PTPRD: variants seen among roughly 807,000 people sequenced by gnomAD.
PTPRD encodes protein tyrosine phosphatase receptor type D, also known as receptor-type tyrosine-protein phosphatase delta.
A neutral mutation model predicts 214.5 loss-of-function variants in PTPRD; 34 were observed. The ratio of observed to expected loss-of-function variants is 0.16; its 90% CI spans 0.12 to 0.21. The LOEUF (loss-of-function observed/expected upper bound fraction) is 0.21. Ranked by LOEUF, PTPRD falls within the 10% of genes least tolerant of loss-of-function variation. PTPRD has a pLI of 1.00. For missense variants in PTPRD, 2,545 were observed against 2,398.7 expected, an observed-to-expected ratio of 1.06 and a Z score of -1.27; for synonymous variants, 1,128 against 845.7, an observed-to-expected ratio of 1.33 and a Z score of -5.79.
intron 10 of PTPRD, among the ~76,000 whole-genome samples, chr9:9,123,610 A>T (rs989323945): frequency 1.3e-5 from 2 of 152,182 alleles, no homozygotes; most frequent in Non-Finnish European, 2.9e-5. Context: ...CCATAGACTG[A>T]TAAAAACTGA....
At chr9:9,488,542 C>T (rs1015238067) in intron 8 of PTPRD, among the ~76,000 whole-genome samples, 9 of 152,132 alleles carry the variant, frequency 5.9e-5, no homozygotes, top group Non-Finnish European at 1.0e-4. Context: ...GAATTTCCAC[C>T]GTCCCATTAG....
At chr9:8,739,628 G>C (rs1254148509) in intron 11 of PTPRD, among the ~76,000 whole-genome samples, 2 of 152,122 alleles carry the variant, frequency 1.3e-5, no homozygotes, top group Admixed American at 6.5e-5. Flanking sequence ...AGTTCTCGTA[G>C]TCCTTGGCTT....
intron 8 of PTPRD, among the ~76,000 whole-genome samples, chr9:9,485,147 G>C (rs2095575024): frequency 6.6e-6 from 1 of 152,090 alleles, no homozygotes. Flanking sequence ...TCTCTCCACT[G>C]TAAAAATAAT....
chr9:9,194,766 C>G (rs1029814745), intron 9 of PTPRD, among the ~76,000 whole-genome samples: 1 of 152,046 alleles, frequency 6.6e-6, no homozygotes, highest in Non-Finnish European at 1.5e-5. Flanking sequence ...TAGCACATTG[C>G]ATATTATCTC....
At chr9:10,579,143 A>G (rs2070741408) in intron 2 of PTPRD, among the ~76,000 whole-genome samples, 1 of 151,904 alleles carries the variant, frequency 6.6e-6, no homozygotes, top group Non-Finnish European at 1.5e-5. Context: ...TGCAGCCATA[A>G]AAAAAGAATG....
chr9:9,144,023 T>C (rs1365426731), intron 10 of PTPRD, among the ~76,000 whole-genome samples: 1 of 152,236 alleles, frequency 6.6e-6, no homozygotes, highest in Non-Finnish European at 1.5e-5. Context: ...AGATCAATTC[T>C]TTTATTATTA....
intron 12 of PTPRD, among the ~76,000 whole-genome samples, chr9:8,690,123 A>G (rs1038920138): frequency 6.7e-6 from 1 of 149,328 alleles, no homozygotes; most frequent in Non-Finnish European, 1.5e-5. Flanking sequence ...AAAAAAAAAA[A>G]GAAAAATTAA....
intron 4 of PTPRD, among the ~76,000 whole-genome samples, chr9:9,947,411 ATT>A (rs2092790479): frequency 4.8e-5 from 2 of 42,078 alleles, no homozygotes; most frequent in Non-Finnish European, 7.0e-5. Context: ...TATAATATAT[ATT>A]TTATATATAT....
At chr9:8,675,099 T>G (rs1039559896) in intron 12 of PTPRD, among the ~76,000 whole-genome samples, 1 of 152,130 alleles carries the variant, frequency 6.6e-6, no homozygotes, top group African/African-American at 2.4e-5. Context: ...TAGCATTAAG[T>G]GGATGTCGCA....
At chr9:8,355,291 T>C (rs983940023) in intron 39 of PTPRD, among the ~76,000 whole-genome samples, 8 of 152,188 alleles carry the variant, frequency 5.3e-5, no homozygotes, top group African/African-American at 1.9e-4. Flanking sequence ...AATGCCAGTA[T>C]CACGCTTGCT....
chr9:10,062,203 G>A (rs1317381654), intron 3 of PTPRD, among the ~76,000 whole-genome samples: 1 of 152,066 alleles, frequency 6.6e-6, no homozygotes, highest in Admixed American at 6.6e-5. Flanking sequence ...ATTAAAAGAT[G>A]CTGAAATAAA....
intron 12 of PTPRD, among the ~76,000 whole-genome samples, chr9:8,688,586 A>T (rs994890780): frequency 1.2e-4 from 18 of 151,598 alleles, no homozygotes; most frequent in African/African-American, 4.4e-4. Flanking sequence ...AAAAGAAAAA[A>T]ATATATATAA....
At chr9:8,948,440 CAT>C (rs1464673263) in intron 11 of PTPRD, among the ~76,000 whole-genome samples, 237 of 6,184 alleles carry the variant, frequency 0.038, 55 homozygotes, top group African/African-American at 0.081. Context: ...TATATATTTA[CAT>C]ATATATATAT....
At chr9:8,963,720 A>T (rs1190545355) in intron 11 of PTPRD, among the ~76,000 whole-genome samples, 1 of 152,072 alleles carries the variant, frequency 6.6e-6, no homozygotes, top group African/African-American at 2.4e-5. Flanking sequence ...CCTGGGCTCA[A>T]GTCATCCTCC....
At chr9:8,507,265 GAAT>G (rs2097562047) in intron 22 of PTPRD, 33 bp downstream of exon 22, 3 of 1,598,664 alleles carry the variant, frequency 1.9e-6, no homozygotes, top group Non-Finnish European at 2.6e-6. Flanking sequence ...CCCACGTAAT[GAAT>G]AATTCCCAAG....
At chr9:8,619,876 G>A (rs2095756765) in intron 14 of PTPRD, among the ~76,000 whole-genome samples, 1 of 151,894 alleles carries the variant, frequency 6.6e-6, no homozygotes, top group Non-Finnish European at 1.5e-5. Flanking sequence ...AGCATTAAAG[G>A]GCAATATATG....
At chr9:8,337,958 T>C (rs942864790) in intron 43 of PTPRD, among the ~76,000 whole-genome samples, 1 of 152,176 alleles carries the variant, frequency 6.6e-6, no homozygotes, top group East Asian at 1.9e-4. Flanking sequence ...ACCTTCAGAA[T>C]AGTTAATATA....
chr9:9,150,897 G>C (rs2154488076), intron 10 of PTPRD, among the ~76,000 whole-genome samples: 1 of 152,320 alleles, frequency 6.6e-6, no homozygotes, highest in East Asian at 1.9e-4. Flanking sequence ...GCGGCCTGTT[G>C]ATGCCCCTCT....
intron 11 of PTPRD, among the ~76,000 whole-genome samples, chr9:8,976,999 G>C (rs902051067): frequency 1.3e-5 from 2 of 152,070 alleles, no homozygotes; most frequent in African/African-American, 4.8e-5. Context: ...CTGCAAAAAA[G>C]AGCCATCCAA....
Sources: allele counts gnomAD v4.1 joint callset (sites outside exome capture counted in the v4.1 genomes callset), GRCh38; gene constraint gnomAD v4.1.1; transcripts MANE v1.5; gene names NCBI Gene and HGNC (gene_info 2026-07-23, HGNC 2026-07-21).